The following PRRG2 variants were observed in gnomAD, a reference collection of about 807,000 sequenced individuals.
The protein encoded by PRRG2 is proline rich and Gla domain 2.
A neutral mutation model predicts 27.1 loss-of-function variants in PRRG2; 23 were observed. The ratio of observed to expected loss-of-function variants is 0.85; its 90% CI spans 0.61 to 1.20. The LOEUF (loss-of-function observed/expected upper bound fraction) is 1.20. Ranked by LOEUF, PRRG2 falls within the 50% of genes most tolerant of loss-of-function variation. PRRG2 has a pLI of 0.00. For synonymous variants in PRRG2, 104 were observed against 103.4 expected, an observed-to-expected ratio of 1.01 and a Z score of -0.03; for missense variants, 276 against 254.8, an observed-to-expected ratio of 1.08 and a Z score of -0.57.
In PRRG2 at chr19:49,584,850, G is replaced by C. The variant is rs541470182; in HGVS notation, c.301+898G>C. Among the ~76,000 whole-genome samples the C allele has an allele frequency of 1.5e-3, 234 of 152,258 alleles. 1 individual carries two copies. Among genetic ancestry groups the C allele is most frequent in the Admixed American group, 4.5e-3 (69 of 15,294 alleles). ...AGCTGTGGGGCCCGTCAGGCCTTAG[G>C]CTCAGAGGGGCAGGCCCACCTGAAC... On this transcript the variant is annotated intron_variant, in intron 4 of 6. Coordinates refer to ENST00000246794, the MANE Select transcript of PRRG2 (RefSeq NM_000951.3).
intron 4 of PRRG2, among the ~76,000 whole-genome samples, chr19:49,585,490 G>C (rs959662351): frequency 6.6e-6 from 1 of 152,148 alleles, no homozygotes; most frequent in African/African-American, 2.4e-5. Flanking sequence ...TTGCTAAAGG[G>C]GCTCAAAAGT....
chr19:49,583,593 G>T lies in PRRG2; in HGVS notation c.137G>T (p.Arg46Leu), dbSNP rs562149905. 1.2e-6 allele frequency: 2 copies of T among 1,614,180 alleles called. No individual in the cohort carries two copies. Among genetic ancestry groups the T allele is most frequent in the South Asian group, 2.2e-5 (2 of 91,086 alleles). ...CAGAGCTTCCTGAGTAGCCATACCCGGATTCCAAGAGCCAACCACTGGGAC... is the reference window on the plus strand; with the variant it reads ...CAGAGCTTCCTGAGTAGCCATACCCTGATTCCAAGAGCCAACCACTGGGAC... ...EAQSFLSSHT[R>L]IPRANHWDLE... Residue 46 changes from arginine (R) to leucine (L), a missense_variant, in exon 3 of 7, where the codon CGG (arginine) becomes CTG (leucine). Arg to Leu is a moderately radical substitution (Grantham distance 102). Coordinates refer to ENST00000246794, the MANE Select transcript of PRRG2 (RefSeq NM_000951.3).
chr19:49,584,909 A>G (rs1181538081), intron 4 of PRRG2, among the ~76,000 whole-genome samples: 1 of 152,188 alleles, frequency 6.6e-6, no homozygotes, highest in Non-Finnish European at 1.5e-5. Context: ...TGGAAAGACC[A>G]GCCCCTCCGG....
intron 4 of PRRG2, among the ~76,000 whole-genome samples, chr19:49,585,142 T>TC (rs1003837525): frequency 1.3e-5 from 2 of 152,006 alleles, no homozygotes; most frequent in African/African-American, 4.8e-5. Flanking sequence ...CTGGCTGATT[T>TC]CCCCTCCCCC....
Position 49,589,989 on chromosome 19 carries a change from C to T in PRRG2, c.527C>T (p.Pro176Leu), listed in dbSNP as rs886730345. The change falls in exon 6 of 7, where the codon CCC becomes CTC. Residue 176 changes from proline to leucine, a missense_variant. Transcript: ENST00000246794. The stretch of plus-strand genomic sequence containing the variant: ...CCCCCACCCCCACCCCCAGGCCTCC[C>T]CACCTATGAGCAGGCGCTGGCAGCC... The part of the protein sequence containing the change: ...PPPPPPPPGL[P>L]TYEQALAASG... The T allele has an allele frequency of 4.6e-6, 7 of 1,507,698 alleles. No individual in the cohort carries two copies. The highest frequency in any genetic ancestry group is 6.2e-6 in the Non-Finnish European group (7 of 1,123,502). The allele number at this position is 1,507,698 out of a possible 1,614,324, so 93.4% of individuals were successfully genotyped here. A position where few individuals can be genotyped will look rare whatever the true frequency, so the allele number is the denominator to read the frequency against.
chr19:49,590,721 A>T lies in PRRG2; in HGVS notation c.*332A>T. The T allele has an allele frequency of 4.8e-6, 2 of 418,350 alleles. No individual in the cohort carries two copies. The highest frequency in any genetic ancestry group is 8.8e-6 in the Non-Finnish European group (2 of 227,238). 25.9% of individuals were successfully genotyped at this position (418,350 alleles called of 1,614,324 possible). The stretch of plus-strand genomic sequence containing the variant: ...CAGCCCCGGCTGTGCCATCTTGTGT[A>T]TGGGCAGATATGACCTGACAGCCCC... On this transcript the variant is annotated 3_prime_UTR_variant, in exon 7 of 7. Coordinates refer to ENST00000246794, the MANE Select transcript of PRRG2 (RefSeq NM_000951.3).
At chr19:49,589,722 A>C (rs963152943) in intron 5 of PRRG2, among the ~76,000 whole-genome samples, 178 bp from the exon 6 acceptor site, 4 of 151,350 alleles carry the variant, frequency 2.6e-5, no homozygotes, top group Non-Finnish European at 5.9e-5. Flanking sequence ...CTGTCATTTG[A>C]GGCGCTTTTC....
chr19:49,590,621 T>A lies in PRRG2; in HGVS notation c.*232T>A. 1.7e-6 allele frequency: 1 copy of A among 603,306 alleles called. No homozygotes were observed. The highest frequency in any genetic ancestry group is 2.9e-6 in the Non-Finnish European group (1 of 346,516). The allele number at this position is 603,306 out of a possible 1,614,324, so 37.4% of individuals were successfully genotyped here. On this transcript the variant is annotated 3_prime_UTR_variant, in exon 7 of 7. Coordinates refer to ENST00000246794, the MANE Select transcript of PRRG2 (RefSeq NM_000951.3). ...TGGCCCCTCACGGGCCCCCACACTC[T>A]CCTGACCGTGAGGGCACTGGTCAGT...
chr19:49,589,830 C>A, intron 5 of PRRG2, 70 bp from the exon 6 acceptor site: 1 of 1,530,066 alleles, frequency 6.5e-7, no homozygotes, highest in Non-Finnish European at 9.0e-7. Flanking sequence ...TCTCCTAGAT[C>A]CCCTCTCTTC....
chr19:49,588,903 G>A (rs892365987), intron 5 of PRRG2, among the ~76,000 whole-genome samples: 5 of 152,214 alleles, frequency 3.3e-5, no homozygotes, highest in East Asian at 1.9e-4. Context: ...ACCAGTATCC[G>A]TGGAATTACG....
At position 49,590,026 on chromosome 19, in the gene PRRG2, C is replaced by A; in HGVS notation, c.564C>A (p.His188Gln). The change falls in exon 6 of 7, where the codon CAC (histidine) becomes CAA (glutamine). Residue 188 changes from histidine to glutamine, a missense_variant. His to Gln is a conservative substitution (Grantham distance 24). Transcript: ENST00000246794. Reference sequence around the variant, plus strand: ...AGGCGCTGGCAGCCTCTGGGGTACACGACGCACCTCCACCCCCCTACACCA... The same window carrying A: ...AGGCGCTGGCAGCCTCTGGGGTACAAGACGCACCTCCACCCCCCTACACCA... Reference protein sequence around the residue: ...YEQALAASGVHDAPPPPYTSL... With the variant: ...YEQALAASGVQDAPPPPYTSL... 2.0e-6 allele frequency: 3 copies of A among 1,512,176 alleles called. No individual in the cohort carries two copies. Among genetic ancestry groups the A allele is most frequent in the Admixed American group, 2.0e-5 (1 of 50,360 alleles). 93.7% of individuals were successfully genotyped at this position (1,512,176 alleles called of 1,614,324 possible). A position where few individuals can be genotyped will look rare whatever the true frequency, so the allele number is the denominator to read the frequency against.
chr19:49,586,072 CAAAAAAAAAAAAAA>C, intron 4 of PRRG2, among the ~76,000 whole-genome samples: 1 of 56,938 alleles, frequency 1.8e-5, no homozygotes, highest in African/African-American at 6.7e-5. Flanking sequence ...AGAGTGTCTC[CAAAAAAAAAAAAAA>C]AAAAAAAAAA....
intron 4 of PRRG2, 96 bp from the exon 5 acceptor site, chr19:49,588,401 C>T (rs2080687945): frequency 2.0e-6 from 3 of 1,492,708 alleles, no homozygotes; most frequent in East Asian, 5.0e-5. Context: ...CTGCCTGCTT[C>T]CGGGTCCATT....
At position 49,583,903 on chromosome 19, in the gene PRRG2, C is replaced by A; in HGVS notation, c.262-10C>A. 1 of 1,613,758 alleles carries A rather than the reference C, an allele frequency of 6.2e-7. No homozygotes were observed. The highest frequency in any genetic ancestry group is 8.5e-7 in the Non-Finnish European group (1 of 1,179,674). ...TTTTTCCCCTTCTTTTCCACTCCTT[C>A]CCCCTCAAGGAGCGCTTTTGGGAGA... On this transcript the variant is annotated splice_polypyrimidine_tract_variant and intron_variant, in intron 3 of 6. Transcript: ENST00000246794.
In PRRG2 at chr19:49,583,584, G is replaced by T; in HGVS notation, c.128G>T (p.Ser43Ile). 6.2e-7 allele frequency: 1 copy of T among 1,614,192 alleles called. No homozygotes were observed. Residue 43 changes from serine (S) to isoleucine (I), a missense_variant, in exon 3 of 7, where the codon AGC becomes ATC. Ser to Ile is a moderately radical substitution (Grantham distance 142). Coordinates refer to ENST00000246794, the MANE Select transcript of PRRG2 (RefSeq NM_000951.3). ...CCAGAGGCCCAGAGCTTCCTGAGTA[G>T]CCATACCCGGATTCCAAGAGCCAAC... The part of the protein sequence containing the change: ...GPPEAQSFLS[S>I]HTRIPRANHW...
At chr19:49,584,664 A>G (rs1270473058) in intron 4 of PRRG2, among the ~76,000 whole-genome samples, 1 of 152,132 alleles carries the variant, frequency 6.6e-6, no homozygotes, top group Non-Finnish European at 1.5e-5. Flanking sequence ...GGGTCTCACT[A>G]TGTGGCCCAG....
At chr19:49,590,280 G>A in intron 6 of PRRG2, 91 bp from the exon 7 acceptor site, 1 of 1,586,742 alleles carries the variant, frequency 6.3e-7, no homozygotes, top group East Asian at 2.2e-5. Flanking sequence ...TGGATTGGCT[G>A]AGACGCCAAG....
intron 5 of PRRG2, 152 bp from the exon 6 acceptor site, chr19:49,589,748 G>C: frequency 2.4e-6 from 2 of 843,784 alleles, no homozygotes; most frequent in South Asian, 1.6e-5. Flanking sequence ...GTAAGGCTAG[G>C]CTGAAGGTGA....
At chr19:49,586,474 T>A (rs558108398) in intron 4 of PRRG2, among the ~76,000 whole-genome samples, 3 of 151,022 alleles carry the variant, frequency 2.0e-5, no homozygotes, top group Non-Finnish European at 4.4e-5. Context: ...AGCCTTGACC[T>A]CCTTGGGTCA....
Sources: allele counts gnomAD v4.1 joint callset (sites outside exome capture counted in the v4.1 genomes callset), GRCh38; gene constraint gnomAD v4.1.1; transcripts MANE v1.5; gene names NCBI Gene and HGNC (gene_info 2026-07-23, HGNC 2026-07-21).